DPF3: variants seen among roughly 807,000 people sequenced by gnomAD.
DPF3 encodes the protein double PHD fingers 3.
A neutral mutation model predicts 56.8 loss-of-function variants in DPF3; 18 were observed. That is an observed-to-expected ratio of 0.32 (90% CI 0.22 to 0.47). The LOEUF (loss-of-function observed/expected upper bound fraction) is 0.47, where lower values mean the gene tolerates loss of function less well. Among genes scored for constraint, DPF3 ranks in the 20% least tolerant of loss-of-function variants. DPF3 has a pLI of 1.00. For synonymous variants in DPF3, 188 were observed against 180.2 expected (o/e 1.04, Z -0.35); for missense variants, 403 against 488.8 (o/e 0.82, Z 1.65).
At chr14:72,884,924 G>A (rs909960081) in intron 1 of DPF3, among the ~76,000 whole-genome samples, 1 of 46,370 alleles carries the variant, frequency 2.2e-5, no homozygotes, top group Non-Finnish European at 5.9e-5. Context: ...GTGAAACCCC[G>A]TCTCTACTAA....
chr14:72,732,578 G>T (rs920870736), intron 3 of DPF3, among the ~76,000 whole-genome samples: 3 of 152,216 alleles, frequency 2.0e-5, no homozygotes, highest in Admixed American at 2.0e-4. Context: ...TGCCTCACAA[G>T]CCCCGGATGA....
chr14:72,693,362 C>T, intron 6 of DPF3, 149 bp from the exon 7 acceptor site: 1 of 936,980 alleles, frequency 1.1e-6, no homozygotes, highest in Middle Eastern at 2.6e-4. Flanking sequence ...ATCCCTTTCC[C>T]CCACCCAACA....
intron 9 of DPF3, among the ~76,000 whole-genome samples, chr14:72,628,630 T>G (rs768794198): frequency 9.2e-5 from 14 of 151,462 alleles, no homozygotes; most frequent in Non-Finnish European, 1.6e-4. Context: ...GAAGTAGTCT[T>G]GCCAAAAGAG....
intron 3 of DPF3, among the ~76,000 whole-genome samples, chr14:72,748,087 T>C (rs979023680): frequency 1.3e-5 from 2 of 152,246 alleles, no homozygotes; most frequent in African/African-American, 2.4e-5. Flanking sequence ...TTGGAAAAGT[T>C]TGGACGGCTC....
chr14:72,855,403 C>T (rs1342326197), intron 1 of DPF3, among the ~76,000 whole-genome samples: 1 of 152,204 alleles, frequency 6.6e-6, no homozygotes, highest in Admixed American at 6.5e-5. Flanking sequence ...TTATGAGTGG[C>T]TCCAATTTAC....
chr14:72,756,818 A>AAGAC lies in DPF3; in HGVS notation c.194-3451_194-3448dup, dbSNP rs1437191729. On this transcript the variant is annotated intron_variant, in intron 2 of 10. Coordinates refer to ENST00000556509, the MANE Select transcript of DPF3 (RefSeq NM_001280542.3). Reference sequence around the variant, plus strand: ...AGAGCAAGATTCTGTGAAAGAAAGAAAGACAGAAAGAAAGAAAGAAAGAAA... The same window carrying AAGAC: ...AGAGCAAGATTCTGTGAAAGAAAGAAAGACAGACAGAAAGAAAGAAAGAAAGAAA... Among the ~76,000 whole-genome samples, 22 of 114,138 alleles carry AAGAC rather than the reference A, an allele frequency of 1.9e-4. No individual in the cohort carries two copies. In the East Asian group the frequency reaches 2.4e-3, roughly 12 times the overall value. The allele number at this position is 114,138 out of a possible 152,430, so 74.9% of individuals were successfully genotyped here.
At chr14:72,625,149 A>G (rs574523048) in intron 9 of DPF3, among the ~76,000 whole-genome samples, 19 of 152,246 alleles carry the variant, frequency 1.2e-4, no homozygotes, top group African/African-American at 4.3e-4. Context: ...TTTAGCATCA[A>G]TTGACAGTTC....
chr14:72,739,079 A>C (rs964933237), intron 3 of DPF3, among the ~76,000 whole-genome samples: 3 of 151,956 alleles, frequency 2.0e-5, no homozygotes, highest in Admixed American at 1.3e-4. Context: ...ATTTCTACCA[A>C]AAAAACACAA....
intron 7 of DPF3, among the ~76,000 whole-genome samples, chr14:72,681,395 A>G (rs1887160505): frequency 1.3e-5 from 2 of 152,122 alleles, no homozygotes; most frequent in South Asian, 4.1e-4. Context: ...GGCATTTCTT[A>G]GTCAACCAGA....
intron 8 of DPF3, among the ~76,000 whole-genome samples, chr14:72,666,068 A>G (rs1285755370): frequency 6.6e-6 from 1 of 152,190 alleles, no homozygotes; most frequent in Non-Finnish European, 1.5e-5. Flanking sequence ...CTTTTCCTAT[A>G]TTGCTATTTT....
At chr14:72,750,598 T>G (rs1890522796) in intron 3 of DPF3, among the ~76,000 whole-genome samples, 1 of 152,050 alleles carries the variant, frequency 6.6e-6, no homozygotes, top group African/African-American at 2.4e-5. Flanking sequence ...GTTAGACAAA[T>G]TCATACAATG....
intron 1 of DPF3, among the ~76,000 whole-genome samples, chr14:72,834,813 T>A (rs1884221129): frequency 6.6e-6 from 1 of 152,146 alleles, no homozygotes; most frequent in African/African-American, 2.4e-5. Flanking sequence ...CATCAACAGA[T>A]GAATAGGTAA....
At chr14:72,762,861 A>AGAAAATGCT (rs1373326738) in intron 2 of DPF3, among the ~76,000 whole-genome samples, 2 of 152,046 alleles carry the variant, frequency 1.3e-5, no homozygotes, top group Admixed American at 1.3e-4. Context: ...TCAACTATAT[A>AGAAAATGCT]GAAAATGCTA....
intron 1 of DPF3, among the ~76,000 whole-genome samples, chr14:72,807,534 A>C (rs761975054): frequency 1.4e-4 from 21 of 152,202 alleles, no homozygotes; most frequent in Non-Finnish European, 2.8e-4. Context: ...CTAAACTTTC[A>C]GTTTTTAAAA....
chr14:72,771,092 C>T (rs1891508499), intron 2 of DPF3, among the ~76,000 whole-genome samples: 1 of 151,882 alleles, frequency 6.6e-6, no homozygotes, highest in African/African-American at 2.4e-5. Flanking sequence ...ATGAGAATCA[C>T]TTGAACCCGG....
intron 1 of DPF3, among the ~76,000 whole-genome samples, chr14:72,812,790 G>A (rs1028097111): frequency 2.6e-5 from 4 of 152,180 alleles, no homozygotes; most frequent in Non-Finnish European, 4.4e-5. Flanking sequence ...CCCAAGCTCT[G>A]TTTGCCTGAG....
chr14:72,654,365 C>T (rs1028388334), intron 8 of DPF3, among the ~76,000 whole-genome samples: 3 of 152,148 alleles, frequency 2.0e-5, no homozygotes, highest in African/African-American at 7.2e-5. Flanking sequence ...ATACTTCCCC[C>T]GCTACTCCAA....
At chr14:72,761,512 T>G (rs925443291) in intron 2 of DPF3, among the ~76,000 whole-genome samples, 7 of 152,022 alleles carry the variant, frequency 4.6e-5, no homozygotes, top group Admixed American at 4.6e-4. Flanking sequence ...TATTTTGAAC[T>G]GAATGAAACT....
At chr14:72,869,963 G>C (rs930770742) in intron 1 of DPF3, among the ~76,000 whole-genome samples, 2 of 152,066 alleles carry the variant, frequency 1.3e-5, no homozygotes, top group Non-Finnish European at 2.9e-5. Flanking sequence ...TTTTCTGCTT[G>C]GTTATCAGAC....
Sources: gnomAD v4.1 joint callset for allele counts (sites outside exome capture counted in the v4.1 genomes callset) on GRCh38, gnomAD v4.1.1 for gene constraint, MANE v1.5 for transcripts, NCBI Gene and HGNC (gene_info 2026-07-23, HGNC 2026-07-21) for gene names.